Variants in JPH3 observed in about 807,000 individuals in gnomAD.
JPH3 encodes junctophilin-3.
Under a neutral mutation model 59.6 loss-of-function variants are expected in JPH3, and 11 were observed. The observed-to-expected ratio is 0.18, with a 90% CI of 0.12 to 0.31. The LOEUF (loss-of-function observed/expected upper bound fraction) is 0.31. Ranked by LOEUF, JPH3 falls within the 10% of genes least tolerant of loss-of-function variation. The pLI is 1.00. For missense variants in JPH3, 1,202 were observed against 1,105.7 expected (o/e 1.09, Z -1.24); for synonymous variants, 673 against 483.6 (o/e 1.39, Z -5.14).
rs1465180751 is a variant in JPH3 at position 87,602,619 on chromosome 16, G to T, written c.-528G>T. Among the ~76,000 whole-genome samples the T allele has an allele frequency of 2.3e-5, 3 of 131,976 alleles. No individual in the cohort carries two copies. Among genetic ancestry groups the T allele is most frequent in the East Asian group, 2.4e-4 (1 of 4,218 alleles). 86.6% of individuals were successfully genotyped at this position (131,976 alleles called of 152,430 possible). A position where few individuals can be genotyped will look rare whatever the true frequency, so the allele number is the denominator to read the frequency against. ...CGCCGCCGCCCCGCGCCCGGCCCGC[G>T]GCCCCCAATATGGTGCAGCCGCCAG... is the stretch of plus-strand genomic sequence containing the variant. On this transcript the variant is annotated 5_prime_UTR_variant, in exon 1 of 5. Transcript: ENST00000284262.
intron 1 of JPH3, among the ~76,000 whole-genome samples, chr16:87,620,859 C>T (rs75785332): frequency 0.016 from 2,423 of 152,274 alleles, 79 homozygotes; most frequent in East Asian, 0.12. Context: ...TAGGAGCATT[C>T]GAAAGAAACT....
intron 2 of JPH3, among the ~76,000 whole-genome samples, chr16:87,666,821 C>G (rs916269132): frequency 5.3e-5 from 8 of 152,230 alleles, no homozygotes; most frequent in African/African-American, 1.9e-4. Flanking sequence ...TGCCTACATT[C>G]TATAGATGGG....
rs1026714139 is a variant in JPH3, at chr16:87,603,039, C to A, written c.-108C>A. 3 of 1,461,782 alleles carry A rather than the reference C, an allele frequency of 2.1e-6. No homozygotes were observed. Among genetic ancestry groups the A allele is most frequent in the Non-Finnish European group, 1.9e-6 (2 of 1,075,360 alleles). 90.6% of individuals were successfully genotyped at this position (1,461,782 alleles called of 1,614,324 possible). On this transcript the variant is annotated 5_prime_UTR_variant, in exon 1 of 5. Transcript: ENST00000284262. ...GCGCTCCGGGGCCGCGTCCTCCTCT[C>A]CTCCGGAAAACGCTCGCGACCCAGG...
intron 1 of JPH3, among the ~76,000 whole-genome samples, chr16:87,625,982 C>T (rs532158825): frequency 4.6e-5 from 7 of 152,232 alleles, no homozygotes; most frequent in Non-Finnish European, 1.0e-4. Context: ...TCAGAAGTTC[C>T]TCATAGCCAA....
intron 3 of JPH3, among the ~76,000 whole-genome samples, chr16:87,688,496 CCTT>C (rs1170150971): frequency 7.5e-6 from 1 of 134,120 alleles, no homozygotes; most frequent in Non-Finnish European, 1.5e-5. Flanking sequence ...GTCTCCCAGA[CCTT>C]CTCCTGCCAA....
chr16:87,644,760 C>G lies in JPH3; in HGVS notation c.885C>G (p.Asp295Glu). Residue 295 changes from aspartate to glutamate, a missense_variant, in exon 2 of 5, where the codon GAC (aspartate) becomes GAG (glutamate). Physicochemically the swap from Asp to Glu is conservative, Grantham distance 45. Transcript: ENST00000284262. ...CCTACGTGGGCGAGTGGAAGAACGA[C>G]AAACGCTCCGGCTTCGGCGTGAGCC... ...TETYVGEWKN[D>E]KRSGFGVSQR... 1 of 1,613,306 alleles carries G rather than the reference C, an allele frequency of 6.2e-7. No homozygotes were observed. Among genetic ancestry groups the G allele is most frequent in the Non-Finnish European group, 8.5e-7 (1 of 1,179,898 alleles).
In JPH3 at chr16:87,689,967, C is replaced by G; in HGVS notation, c.1607C>G (p.Ala536Gly). The change falls in exon 4 of 5, where the codon GCC (alanine) becomes GGC (glycine). Residue 536 changes from alanine (A) to glycine (G), a missense_variant. By Grantham distance (60) the Ala-to-Gly change is moderately conservative. Transcript: ENST00000284262. ...CGCAGCAGCTGGGGCGAGGAGCAGG[C>G]CGGGGGCTCCAGGGGTGTCCGCAGC... ...CARSSWGEEQAGGSRGVRSGA... is the reference protein window; with the variant it reads ...CARSSWGEEQGGGSRGVRSGA... 3 of 1,455,484 alleles carry G rather than the reference C, an allele frequency of 2.1e-6. No homozygotes were observed. The highest frequency in any genetic ancestry group is 2.7e-6 in the Non-Finnish European group (3 of 1,106,998). The allele number at this position is 1,455,484 out of a possible 1,614,324, so 90.2% of individuals were successfully genotyped here.
intron 4 of JPH3, 91 bp downstream of exon 4, chr16:87,690,617 C>A (rs1478619709): frequency 1.5e-6 from 2 of 1,302,390 alleles, no homozygotes; most frequent in Non-Finnish European, 2.0e-6. Flanking sequence ...AGCAAGGTCA[C>A]TGCTCCCCTG....
At chr16:87,673,235 A>G (rs2033062597) in intron 2 of JPH3, among the ~76,000 whole-genome samples, 1 of 152,106 alleles carries the variant, frequency 6.6e-6, no homozygotes, top group Admixed American at 6.5e-5. Context: ...AGAAAAAAAA[A>G]TCAACCGCAC....
rs778555068 is a variant in JPH3 at position 87,689,858 on chromosome 16, C to T, written c.1498C>T (p.His500Tyr). ...GCCCGCCGCCAGGAACAAGGTCGCCCACTTCTCGAGGCAGGTGTCGGTGGA... is the reference window on the plus strand; with the variant it reads ...GCCCGCCGCCAGGAACAAGGTCGCCTACTTCTCGAGGCAGGTGTCGGTGGA... ...PAPAARNKVA[H>Y]FSRQVSVDEE... The change falls in exon 4 of 5, where the codon CAC (histidine) becomes TAC (tyrosine). Residue 500 changes from histidine (H) to tyrosine (Y), a missense_variant. Physicochemically the swap from His to Tyr is moderately conservative, Grantham distance 83. Transcript: ENST00000284262. 6.6e-7 allele frequency: 1 copy of T among 1,511,472 alleles called. No homozygotes were observed. Among genetic ancestry groups the T allele is most frequent in the Non-Finnish European group, 8.8e-7 (1 of 1,130,056 alleles). 93.6% of individuals were successfully genotyped at this position (1,511,472 alleles called of 1,614,324 possible).
intron 2 of JPH3, chr16:87,653,667 C>T (rs1200732888): frequency 5.9e-5 from 9 of 152,224 alleles, no homozygotes. Context: ...TAGCACAGTT[C>T]TCATCACGGG....
rs750080516 is a variant in JPH3 at position 87,634,482 on chromosome 16, C to A, written c.383-9776C>A. 4.6e-5 allele frequency among the ~76,000 whole-genome samples: 7 copies of A among 152,316 alleles called. No homozygotes were observed. In the East Asian group the frequency reaches 1.4e-3, roughly 29 times the overall value. On this transcript the variant is annotated intron_variant, in intron 1 of 4. Coordinates refer to ENST00000284262, the MANE Select transcript of JPH3 (RefSeq NM_020655.4). ...AGGCCTGGCCGCCTTCCCAGTGGTG[C>A]CTGTTTCTTCCTTTCTCTGCGGGTT...
At chr16:87,665,096 C>G (rs1207405539) in intron 2 of JPH3, among the ~76,000 whole-genome samples, 1 of 152,232 alleles carries the variant, frequency 6.6e-6, no homozygotes, top group African/African-American at 2.4e-5. Context: ...GAGCTCATCC[C>G]TTTGACTCCA....
In JPH3 at chr16:87,644,558, C is replaced by T. The variant is rs370806682; in HGVS notation, c.683C>T (p.Ser228Leu). The T allele has an allele frequency of 3.1e-6, 5 of 1,612,676 alleles. No homozygotes were observed. The highest frequency in any genetic ancestry group is 1.7e-5 in the Admixed American group (1 of 60,002). The change falls in exon 2 of 5, where the codon TCG (serine) becomes TTG (leucine). Residue 228 changes from serine to leucine, a missense_variant. Transcript: ENST00000284262. ...SLLSGLKLRKSESKSSLASQR... is the reference protein window; with the variant it reads ...SLLSGLKLRKLESKSSLASQR... The stretch of plus-strand genomic sequence containing the variant: ...CTGAGTGGGCTGAAGCTGCGCAAGT[C>T]GGAGTCCAAGAGCAGCCTGGCCAGC...
rs898848245 is a variant in JPH3 at position 87,611,913 on chromosome 16, G to C, written c.382+8385G>C. ...CCTGGGAGACGGTTAGAAATGCAGCGTGTCAGGCCTGCCTGACCTCCAGGG... is the reference window on the plus strand; with the variant it reads ...CCTGGGAGACGGTTAGAAATGCAGCCTGTCAGGCCTGCCTGACCTCCAGGG... On this transcript the variant is annotated intron_variant, in intron 1 of 4. Coordinates refer to ENST00000284262, the MANE Select transcript of JPH3 (RefSeq NM_020655.4). This position sits in a 1 kb window ranked among gnomAD's most constrained non-coding sequence, Gnocchi z 4.5. Among the ~76,000 whole-genome samples, 16 of 152,218 alleles carry C rather than the reference G, an allele frequency of 1.1e-4. No individual in the cohort carries two copies. The highest frequency in any genetic ancestry group is 3.9e-4 in the African/African-American group (16 of 41,448).
chr16:87,631,139 A>G (rs1567589415), intron 1 of JPH3, among the ~76,000 whole-genome samples: 1 of 152,136 alleles, frequency 6.6e-6, no homozygotes, highest in African/African-American at 2.4e-5. Flanking sequence ...AATACACACA[A>G]ATGTACAAAT....
chr16:87,666,957 C>T (rs944430124), intron 2 of JPH3, among the ~76,000 whole-genome samples: 1 of 152,168 alleles, frequency 6.6e-6, no homozygotes, highest in African/African-American at 2.4e-5. Context: ...ATATCAGCTT[C>T]CTACAGCTTC....
chr16:87,613,908 A>C (rs2030833706), intron 1 of JPH3, among the ~76,000 whole-genome samples: 1 of 152,272 alleles, frequency 6.6e-6, no homozygotes, highest in Admixed American at 6.5e-5. Flanking sequence ...ACAGGGTCAC[A>C]CTCGCTGAGA....
intron 1 of JPH3, among the ~76,000 whole-genome samples, chr16:87,632,425 C>A (rs998468215): frequency 6.6e-6 from 1 of 152,192 alleles, no homozygotes; most frequent in Non-Finnish European, 1.5e-5. Flanking sequence ...TCTCAGCAAT[C>A]TGGCTTTTTA....
Sources: allele counts gnomAD v4.1 joint callset (sites outside exome capture counted in the v4.1 genomes callset), GRCh38; gene constraint gnomAD v4.1.1; non-coding constraint Gnocchi (gnomAD v3.1); transcripts MANE v1.5; gene names NCBI Gene and HGNC (gene_info 2026-07-23, HGNC 2026-07-21).